TSPAN1: variants seen among roughly 807,000 people sequenced by gnomAD.
The protein encoded by TSPAN1 is tetraspanin-1.
TSPAN1 carries 23 observed loss-of-function variants against 26.9 expected under a neutral mutation model. The observed-to-expected ratio is 0.85, with a 90% CI of 0.62 to 1.21. TSPAN1 has a LOEUF of 1.21. Among genes scored for constraint, TSPAN1 ranks in the 50% most tolerant of loss-of-function variants. TSPAN1 has a pLI of 0.00. For synonymous variants in TSPAN1, 115 were observed against 114.8 expected, an observed-to-expected ratio of 1.00 and a Z score of -0.01; for missense variants, 283 against 298.4, an observed-to-expected ratio of 0.95 and a Z score of 0.38.
the TSPAN1 span, chr1:46,192,756 G>T: frequency 1.3e-6 from 2 of 1,580,326 alleles, no homozygotes; most frequent in Non-Finnish European, 1.7e-6. Flanking sequence ...TTCAACAGCA[G>T]CCCCAACACC....
chr1:46,194,307 C>G, the TSPAN1 span: 1 of 1,614,200 alleles, frequency 6.2e-7, no homozygotes. Flanking sequence ...GTGTGGGGTC[C>G]TTGCAGCTGC....
chr1:46,176,708 G>T (rs1001153534), intron 1 of TSPAN1, among the ~76,000 whole-genome samples: 3 of 152,252 alleles, frequency 2.0e-5, no homozygotes, highest in Non-Finnish European at 2.9e-5. Flanking sequence ...CCTAGAGGCG[G>T]AACTCACTTC....
At chr1:46,192,533 A>C in the TSPAN1 span, 24 of 1,614,090 alleles carry the variant, frequency 1.5e-5, 1 homozygote, top group South Asian at 4.4e-5. Flanking sequence ...CATTCCAGGC[A>C]GAGATGCAGT....
intron 1 of TSPAN1, among the ~76,000 whole-genome samples, chr1:46,178,439 C>A (rs1657237160): frequency 6.6e-6 from 1 of 150,862 alleles, no homozygotes; most frequent in Non-Finnish European, 1.5e-5. Flanking sequence ...CCTCAAATGC[C>A]CCCTTCCCAA....
At chr1:46,176,390 TG>T (rs1557662688) in intron 1 of TSPAN1, 1 of 1,535,750 alleles carries the variant, frequency 6.5e-7, no homozygotes, top group South Asian at 1.2e-5. Context: ...AATCGGGGCC[TG>T]GGCCAGCCCA....
intron 1 of TSPAN1, chr1:46,176,404 C>A: frequency 6.5e-7 from 1 of 1,535,782 alleles, no homozygotes; most frequent in Non-Finnish European, 8.7e-7. Context: ...CCAGCCCATA[C>A]CTGGCCTGCG....
chr1:46,176,247 C>T, intron 1 of TSPAN1: 1 of 1,535,776 alleles, frequency 6.5e-7, no homozygotes, highest in Non-Finnish European at 8.7e-7. Context: ...GGAAGATCCA[C>T]ACTATGGTGG....
chr1:46,185,636 A>T lies in TSPAN1; in HGVS notation c.*103A>T. On this transcript the variant is annotated 3_prime_UTR_variant, in exon 9 of 9. Transcript: ENST00000372003. The stretch of plus-strand genomic sequence containing the variant: ...GGAGGGGACAGGATCTAACAATGTC[A>T]CTTGGGCCAGAATGGACCTGCCCTT... 7.3e-7 allele frequency: 1 copy of T among 1,366,174 alleles called. No homozygotes were observed. The allele number at this position is 1,366,174 out of a possible 1,614,324, so 84.6% of individuals were successfully genotyped here.
intron 1 of TSPAN1, among the ~76,000 whole-genome samples, chr1:46,178,185 T>C (rs1657227850): frequency 6.6e-6 from 1 of 152,006 alleles, no homozygotes; most frequent in Non-Finnish European, 1.5e-5. Flanking sequence ...GGTGAAACCC[T>C]GTCTCTACTA....
downstream of TSPAN1, among the ~76,000 whole-genome samples, chr1:46,186,667 T>TG (rs938443238): frequency 2.2e-5 from 3 of 138,388 alleles, no homozygotes; most frequent in Non-Finnish European, 4.7e-5. Context: ...TTTTTGTGTT[T>TG]TTTTTTTTTT....
chr1:46,177,199 G>A (rs952598958), intron 1 of TSPAN1, among the ~76,000 whole-genome samples: 3 of 152,080 alleles, frequency 2.0e-5, no homozygotes, highest in Non-Finnish European at 4.4e-5. Flanking sequence ...GCTGGGTGTG[G>A]TGGTGGGTGC....
intron 1 of TSPAN1, chr1:46,176,501 G>C: frequency 1.3e-6 from 2 of 1,533,642 alleles, no homozygotes; most frequent in Non-Finnish European, 1.7e-6. Context: ...AGTGTGCCTG[G>C]GGGGTGCTGT....
downstream of TSPAN1, chr1:46,188,889 T>A (rs777338465): frequency 6.2e-7 from 1 of 1,612,778 alleles, no homozygotes; most frequent in Non-Finnish European, 8.5e-7. Context: ...AGGGCAGCAT[T>A]CCAGCCCAAA....
At chr1:46,189,070 G>A (rs546045840), downstream of TSPAN1, 1 of 1,520,488 alleles carries the variant, frequency 6.6e-7, no homozygotes, top group Non-Finnish European at 8.8e-7. Flanking sequence ...CAACAAGGAA[G>A]TAAATAAATA....
At chr1:46,196,012 C>G in the TSPAN1 span, 1 of 1,614,026 alleles carries the variant, frequency 6.2e-7, no homozygotes. The surrounding 1 kb of genome is among the most constrained non-coding windows in gnomAD (Gnocchi z 4.4). Flanking sequence ...AGAAACTCAC[C>G]GTGGCCTGGT....
the TSPAN1 span, chr1:46,194,131 C>T: frequency 6.5e-7 from 1 of 1,549,460 alleles, no homozygotes; most frequent in Admixed American, 1.9e-5. Context: ...TCACCCCAGC[C>T]CTGTCTTTCA....
downstream of TSPAN1, among the ~76,000 whole-genome samples, chr1:46,186,725 G>A (rs1341132332): frequency 2.7e-5 from 4 of 145,886 alleles, no homozygotes; most frequent in East Asian, 2.1e-4. Context: ...GCAGTGGCGC[G>A]ATCTCGGCTC....
At chr1:46,190,038 G>C (rs771350263), downstream of TSPAN1, 2 of 1,608,910 alleles carry the variant, frequency 1.2e-6, no homozygotes, top group Non-Finnish European at 1.7e-6. Context: ...CCACTTCATG[G>C]GTGTGTCCCA....
In TSPAN1 at chr1:46,185,680, CT is replaced by C; in HGVS notation, c.*148del. 2 of 892,082 alleles carry C rather than the reference CT, an allele frequency of 2.2e-6. No individual in the cohort carries two copies. Among genetic ancestry groups the C allele is most frequent in the Non-Finnish European group, 3.5e-6 (2 of 565,402 alleles). The allele number at this position is 892,082 out of a possible 1,614,324, so 55.3% of individuals were successfully genotyped here. A position where few individuals can be genotyped will look rare whatever the true frequency, so the allele number is the denominator to read the frequency against. On this transcript the variant is annotated 3_prime_UTR_variant, in exon 9 of 9. Transcript: ENST00000372003. ...TGCCCTTTCTGCTCCAGACTTGGGG[CT>C]AGATAGGGACCACTCCTTTTAGGCG... is the stretch of plus-strand genomic sequence containing the variant.
Sources: allele counts gnomAD v4.1 joint callset (sites outside exome capture counted in the v4.1 genomes callset), GRCh38; gene constraint gnomAD v4.1.1; non-coding constraint Gnocchi (gnomAD v3.1); transcripts MANE v1.5; gene names NCBI Gene and HGNC (gene_info 2026-07-23, HGNC 2026-07-21).